The following CEP78 variants were observed in gnomAD, a reference collection of about 807,000 sequenced individuals.
The protein encoded by CEP78 is centrosomal protein 78.
CEP78 carries 76 observed loss-of-function variants against 81.2 expected under a neutral mutation model. The observed-to-expected ratio is 0.94, with a 90% CI of 0.78 to 1.13. The LOEUF (loss-of-function observed/expected upper bound fraction) is 1.13, where lower values mean the gene tolerates loss of function less well. Ranked by LOEUF, CEP78 falls within the 50% of genes most tolerant of loss-of-function variation. The pLI is 0.00. For synonymous variants in CEP78, 293 were observed against 301.4 expected (o/e 0.97, Z 0.29); for missense variants, 918 against 846.8 (o/e 1.08, Z -1.04).
At position 78,265,388 on chromosome 9, in the gene CEP78, A is replaced by G. The variant is rs1008462955; in HGVS notation, c.1642A>G (p.Thr548Ala). 7 of 1,599,750 alleles carry G rather than the reference A, an allele frequency of 4.4e-6. No homozygotes were observed. In the African/African-American group the frequency reaches 9.4e-5, roughly 22 times the overall value. Residue 548 changes from threonine to alanine, a missense_variant, in exon 14 of 17, where the codon ACA becomes GCA. Thr to Ala is a moderately conservative substitution (Grantham distance 58). Transcript: ENST00000643273. ...LKDAGLGQLATMAGIDQSDFQ... is the reference protein window; with the variant it reads ...LKDAGLGQLAAMAGIDQSDFQ... ...CTCGACCAGGCTTGGGCAGCTTGCC[A>G]CAATGGCTGGGATAGATCAGTCAGA... is the stretch of plus-strand genomic sequence containing the variant.
intron 1 of CEP78, among the ~76,000 whole-genome samples, chr9:78,237,904 G>A (rs1341915078): frequency 1.4e-5 from 2 of 146,024 alleles, no homozygotes; most frequent in African/African-American, 5.1e-5. Flanking sequence ...GAGGTCAGGA[G>A]TTCGAGACCA....
At position 78,246,734 on chromosome 9, in the gene CEP78, A is replaced by G; in HGVS notation, c.844A>G (p.Thr282Ala). Residue 282 changes from threonine to alanine, a missense_variant, in exon 6 of 17, where the codon ACC becomes GCC. Transcript: ENST00000643273. ...AAAGGCTTTGCTAGAGGCCCTTGAA[A>G]CCAATACAACTCTGGTCGTTCTGGA... The part of the protein sequence containing the change: ...GAKALLEALE[T>A]NTTLVVLDIR... 1 of 1,611,206 alleles carries G rather than the reference A, an allele frequency of 6.2e-7. No individual in the cohort carries two copies. The highest frequency in any genetic ancestry group is 1.7e-5 in the Admixed American group (1 of 59,590).
In CEP78 at chr9:78,272,885, A is replaced by G. The variant is rs1355069633; in HGVS notation, c.*2034A>G. The G allele has an allele frequency of 6.6e-6, 1 of 152,200 alleles. No homozygotes were observed. Among genetic ancestry groups the G allele is most frequent in the Non-Finnish European group, 1.5e-5 (1 of 68,038 alleles). 9.4% of individuals were successfully genotyped at this position (152,200 alleles called of 1,614,324 possible). ...TGATGCAGCATATATTGTGACTTAA[A>G]GCTTCTGTCTAGATGTGACATATGT... On this transcript the variant is annotated 3_prime_UTR_variant, in exon 17 of 17. Coordinates refer to ENST00000643273, the MANE Select transcript of CEP78 (RefSeq NM_001330691.3).
rs1827715843 is a variant in CEP78, at chr9:78,272,535, CAG to C, written c.*1686_*1687del. The C allele has an allele frequency of 6.6e-6, 1 of 152,086 alleles. No individual in the cohort carries two copies. Among genetic ancestry groups the C allele is most frequent in the African/African-American group, 2.4e-5 (1 of 41,412 alleles). The allele number at this position is 152,086 out of a possible 1,614,324, so 9.4% of individuals were successfully genotyped here. A position where few individuals can be genotyped will look rare whatever the true frequency, so the allele number is the denominator to read the frequency against. On this transcript the variant is annotated 3_prime_UTR_variant, in exon 17 of 17. Coordinates refer to ENST00000643273, the MANE Select transcript of CEP78 (RefSeq NM_001330691.3). Reference sequence around the variant, plus strand: ...ACATGAATGGAGGCATGGCAGGACACAGAAAGTGAAAGCTTGTCCTAGATATT... The same window carrying C: ...ACATGAATGGAGGCATGGCAGGACACAAAGTGAAAGCTTGTCCTAGATATT...
At chr9:78,253,623 A>T (rs1176885531) in intron 10 of CEP78, 5 of 198,152 alleles carry the variant, frequency 2.5e-5, no homozygotes, top group Non-Finnish European at 4.2e-5. Context: ...TTCTTGGGGG[A>T]TACATATTTT....
At chr9:78,237,672 C>A (rs2118069657) in intron 1 of CEP78, among the ~76,000 whole-genome samples, 1 of 152,182 alleles carries the variant, frequency 6.6e-6, no homozygotes, top group East Asian at 1.9e-4. Flanking sequence ...GGATGTTTAT[C>A]CTGAAGGTTT....
Position 78,265,426 on chromosome 9 carries a change from A to T in CEP78, c.1680A>T (p.Leu560=). ...TAGATCAGTCAGATTTTCAATTACT[A>T]GGTCATCCCCAGATGACTTCTACTG... ...AGIDQSDFQL[L]GHPQMTSTVS... Residue 560 remains leucine (L), a synonymous_variant, in exon 14 of 17, where the codon CTA becomes CTT. Coordinates refer to ENST00000643273, the MANE Select transcript of CEP78 (RefSeq NM_001330691.3). 6.2e-7 allele frequency: 1 copy of T among 1,605,178 alleles called. No individual in the cohort carries two copies. The highest frequency in any genetic ancestry group is 8.5e-7 in the Non-Finnish European group (1 of 1,175,694).
At chr9:78,266,167 A>C (rs961875515) in intron 15 of CEP78, among the ~76,000 whole-genome samples, 5 of 152,154 alleles carry the variant, frequency 3.3e-5, no homozygotes, top group African/African-American at 1.2e-4. Context: ...GAGGATAGGA[A>C]AGATACTAAT....
At chr9:78,247,954 T>G (rs916030304) in intron 6 of CEP78, among the ~76,000 whole-genome samples, 2 of 152,174 alleles carry the variant, frequency 1.3e-5, no homozygotes, top group African/African-American at 4.8e-5. Flanking sequence ...TTTGGGTATA[T>G]TAGGTGCCTT....
rs1169673909 is a variant in CEP78, at chr9:78,236,302, CGCGGGCG to C, written c.-45_-39del. ...TTGCGACTCAGCGTTCTTGGGTGGG[CGCGGGCG>C]GCGTCTCCGCGGCGGGCATCCCCCG... On this transcript the variant is annotated 5_prime_UTR_variant, in exon 1 of 17. Transcript: ENST00000643273. 32 of 1,501,542 alleles carry C rather than the reference CGCGGGCG, an allele frequency of 2.1e-5. No individual in the cohort carries two copies. The highest frequency in any genetic ancestry group is 2.8e-5 in the Non-Finnish European group (31 of 1,119,698). 93.0% of individuals were successfully genotyped at this position (1,501,542 alleles called of 1,614,324 possible). A position where few individuals can be genotyped will look rare whatever the true frequency, so the allele number is the denominator to read the frequency against.
At chr9:78,245,851 GTTCT>G (rs1365004803) in intron 5 of CEP78, among the ~76,000 whole-genome samples, 8 of 152,038 alleles carry the variant, frequency 5.3e-5, no homozygotes, top group Non-Finnish European at 1.2e-4. Context: ...TCTCCTTAGA[GTTCT>G]TTCTTTGTCA....
intron 7 of CEP78, among the ~76,000 whole-genome samples, chr9:78,248,559 A>T (rs972618374): frequency 2.0e-5 from 3 of 152,254 alleles, no homozygotes; most frequent in East Asian, 3.9e-4. Flanking sequence ...CTATTAAGGC[A>T]CTTTTCTGCC....
chr9:78,257,804 A>G (rs1018341925), intron 11 of CEP78, among the ~76,000 whole-genome samples: 3 of 152,224 alleles, frequency 2.0e-5, no homozygotes, highest in Admixed American at 6.5e-5. Flanking sequence ...TTTGTTGTAC[A>G]AACCAGAACA....
intron 10 of CEP78, chr9:78,254,585 TA>T (rs1232978447): frequency 5.8e-6 from 1 of 173,030 alleles, no homozygotes; most frequent in Non-Finnish European, 1.2e-5. Flanking sequence ...AGATTTTATG[TA>T]AAAAAGAAAA....
At chr9:78,247,464 C>T (rs999051939) in intron 6 of CEP78, among the ~76,000 whole-genome samples, 1 of 152,018 alleles carries the variant, frequency 6.6e-6, no homozygotes, top group African/African-American at 2.4e-5. Context: ...GCAAGAAGGC[C>T]AATATGGTTG....
intron 8 of CEP78, among the ~76,000 whole-genome samples, chr9:78,251,203 GT>G (rs1358249850): frequency 1.3e-5 from 2 of 151,926 alleles, no homozygotes; most frequent in Non-Finnish European, 2.9e-5. Flanking sequence ...TTTATACTTC[GT>G]TCTATTATCC....
Position 78,265,543 on chromosome 9 carries a change from G to C in CEP78, c.1797G>C (p.Gln599His). ...CCCTAGGGCAAATGCAAAATATCCA[G>C]GTAAATGAATAGAACAGAACTTAGT... ...QNALGQMQNI[Q>H]VSICMQSAYN... Residue 599 changes from glutamine (Q) to histidine (H), a missense_variant and splice_region_variant, in exon 14 of 17, where the codon CAG becomes CAC. By Grantham distance (24) the Gln-to-His change is conservative (BLOSUM62 0). Coordinates refer to ENST00000643273, the MANE Select transcript of CEP78 (RefSeq NM_001330691.3). The C allele has an allele frequency of 6.4e-7, 1 of 1,561,382 alleles. No homozygotes were observed. The highest frequency in any genetic ancestry group is 8.7e-7 in the Non-Finnish European group (1 of 1,152,898).
intron 9 of CEP78, among the ~76,000 whole-genome samples, chr9:78,252,955 C>A (rs1826835187): frequency 6.6e-6 from 1 of 152,178 alleles, no homozygotes; most frequent in Admixed American, 6.5e-5. Context: ...AATTAGAGAA[C>A]AATTAATATC....
rs189951693 is a variant in CEP78, at chr9:78,250,310, G to A, written c.1069+1437G>A. On this transcript the variant is annotated intron_variant, in intron 8 of 16. Transcript: ENST00000643273. The stretch of plus-strand genomic sequence containing the variant: ...CTTTATATTTAATAGTTAGGTGTCA[G>A]TGAGTATAGGGGTTATATAATTTAT... 37 of 398,144 alleles carry A rather than the reference G, an allele frequency of 9.3e-5. No individual in the cohort carries two copies. In the East Asian group the frequency reaches 1.2e-3, roughly 13 times the overall value. 24.7% of individuals were successfully genotyped at this position (398,144 alleles called of 1,614,324 possible).
Sources: gnomAD v4.1 joint callset for allele counts (sites outside exome capture counted in the v4.1 genomes callset) on GRCh38, gnomAD v4.1.1 for gene constraint, MANE v1.5 for transcripts, NCBI Gene and HGNC (gene_info 2026-07-23, HGNC 2026-07-21) for gene names.